Variants in ANKRD30A observed in about 807,000 individuals in gnomAD.
ANKRD30A encodes the protein ankyrin repeat domain-containing protein 30A.
In ANKRD30A, 170 loss-of-function variants were observed where a neutral mutation model predicts 166.3. The observed-to-expected ratio is 1.02, with a 90% CI of 0.90 to 1.16. The LOEUF (loss-of-function observed/expected upper bound fraction) is 1.16, where lower values mean the gene tolerates loss of function less well. Ranked by LOEUF, ANKRD30A falls within the 50% of genes most tolerant of loss-of-function variation. ANKRD30A has a pLI of 0.00. For synonymous variants in ANKRD30A, 564 were observed against 508.9 expected, an observed-to-expected ratio of 1.11 and a Z score of -1.46; for missense variants, 1,630 against 1,518.0, an observed-to-expected ratio of 1.07 and a Z score of -1.23.
chr10:37,178,334 CAT>C (rs1334161220), intron 24 of ANKRD30A: 1 of 228,890 alleles, frequency 4.4e-6, no homozygotes, highest in Non-Finnish European at 7.3e-6. Context: ...CACGGCCACA[CAT>C]GTATATAAAT....
intron 21 of ANKRD30A, among the ~76,000 whole-genome samples, chr10:37,172,553 T>G (rs1449938662): frequency 6.8e-6 from 1 of 146,380 alleles, no homozygotes; most frequent in African/African-American, 2.5e-5. Context: ...CTTTTTTTTT[T>G]TTTTTTTTTT....
chr10:37,164,806 T>C (rs1347075238), intron 17 of ANKRD30A, among the ~76,000 whole-genome samples: 5 of 152,100 alleles, frequency 3.3e-5, no homozygotes, highest in South Asian at 2.1e-4. Flanking sequence ...GGGCATACTG[T>C]GTTTCACAGG....
chr10:37,129,955 G>C lies in ANKRD30A; in HGVS notation c.284G>C (p.Arg95Thr), dbSNP rs1359285863. The C allele has an allele frequency of 3.2e-6, 5 of 1,580,278 alleles. No homozygotes were observed. The highest frequency in any genetic ancestry group is 4.3e-6 in the Non-Finnish European group (5 of 1,161,160). Residue 95 changes from arginine to threonine, a missense_variant, in exon 2 of 36, where the codon AGA (arginine) becomes ACA (threonine). Physicochemically the swap from Arg to Thr is moderately conservative, Grantham distance 71. Transcript: ENST00000361713. ...GAAGTAGTAACATTTCTGGTAGACAGAAAGTGCCAGCTTGACGTCCTTGAT... is the reference window on the plus strand; with the variant it reads ...GAAGTAGTAACATTTCTGGTAGACACAAAGTGCCAGCTTGACGTCCTTGAT... ...HEEVVTFLVD[R>T]KCQLDVLDGE...
At chr10:37,247,755 G>A in the ANKRD30A span, among the ~76,000 whole-genome samples, 4,253 of 150,652 alleles carry the variant, frequency 0.028, 95 homozygotes, top group Middle Eastern at 0.048. Context: ...GGTGGCGGGC[G>A]CCTGTAGTCC....
At chr10:37,161,949 T>TA (rs1415715698) in intron 15 of ANKRD30A, among the ~76,000 whole-genome samples, 1 of 152,168 alleles carries the variant, frequency 6.6e-6, no homozygotes, top group Non-Finnish European at 1.5e-5. Flanking sequence ...CTTAACAATA[T>TA]AAAAAAGTTA....
At chr10:37,154,664 A>T (rs4414166) in intron 13 of ANKRD30A, among the ~76,000 whole-genome samples, 1 of 152,316 alleles carries the variant, frequency 6.6e-6, no homozygotes, top group South Asian at 2.1e-4. Flanking sequence ...ACAAGTCTAG[A>T]GATTATTTTT....
At chr10:37,148,514 C>T (rs1162541451) in intron 9 of ANKRD30A, among the ~76,000 whole-genome samples, 3 of 151,640 alleles carry the variant, frequency 2.0e-5, no homozygotes, top group South Asian at 2.1e-4. Context: ...AGGCAGGTAA[C>T]GGGACAAACA....
At chr10:37,198,521 A>C (rs983712075) in intron 29 of ANKRD30A, among the ~76,000 whole-genome samples, 27 of 152,150 alleles carry the variant, frequency 1.8e-4, no homozygotes, top group African/African-American at 6.3e-4. Flanking sequence ...TTAAAAGTAA[A>C]ATATTTAAGA....
At chr10:37,198,458 T>G (rs1032410625) in intron 29 of ANKRD30A, among the ~76,000 whole-genome samples, 2 of 152,126 alleles carry the variant, frequency 1.3e-5, no homozygotes, top group African/African-American at 4.8e-5. Flanking sequence ...ACATGCAGAT[T>G]TCTGCATCTT....
downstream of ANKRD30A, among the ~76,000 whole-genome samples, chr10:37,234,162 G>A (rs944305588): frequency 5.3e-5 from 8 of 152,108 alleles, no homozygotes; most frequent in African/African-American, 1.9e-4. Context: ...AACACATGAA[G>A]TTTAGCCTTA....
At chr10:37,236,055 A>G (rs968414059), downstream of ANKRD30A, among the ~76,000 whole-genome samples, 1 of 152,120 alleles carries the variant, frequency 6.6e-6, no homozygotes, top group Admixed American at 6.5e-5. Flanking sequence ...GGCGTGAGCC[A>G]CCGCGCCGGG....
At chr10:37,219,988 A>AGTATATATAT (rs1842812348) in intron 34 of ANKRD30A, 91 bp downstream of exon 34, 1 of 187,518 alleles carries the variant, frequency 5.3e-6, no homozygotes, top group Non-Finnish European at 1.0e-5. Context: ...AATCTAGTTG[A>AGTATATATAT]ATATATATAT....
At chr10:37,142,424 T>C (rs1252986989) in intron 7 of ANKRD30A, 134 bp downstream of exon 7, 3 of 780,626 alleles carry the variant, frequency 3.8e-6, no homozygotes, top group East Asian at 5.4e-5. Context: ...TTTTTAATAG[T>C]ATAGGAATAA....
In ANKRD30A at chr10:37,133,966, T is replaced by A. The variant is rs760112390; in HGVS notation, c.668T>A (p.Met223Lys). 6.2e-7 allele frequency: 1 copy of A among 1,614,146 alleles called. No individual in the cohort carries two copies. Among genetic ancestry groups the A allele is most frequent in the South Asian group, 1.1e-5 (1 of 91,084 alleles). ...VCHGSSEIVG[M>K]LLQQNVDVFA... is the part of the protein sequence containing the mutation. ...CATGGATCATCAGAGATAGTTGGCA[T>A]GCTTCTTCAGCAAAATGTTGACGTC... is the stretch of plus-strand genomic sequence containing the variant. Residue 223 changes from methionine to lysine, a missense_variant, in exon 5 of 36, where the codon ATG becomes AAG. Met to Lys is a moderately conservative substitution (Grantham distance 95). Around this residue, in one of 4 missense-constraint regions of ANKRD30A, gnomAD observed 904 missense variants for 818.5 expected, o/e 1.10. Transcript: ENST00000361713.
At chr10:37,205,778 G>A (rs933226659) in intron 31 of ANKRD30A, among the ~76,000 whole-genome samples, 7 of 152,188 alleles carry the variant, frequency 4.6e-5, no homozygotes, top group Admixed American at 2.0e-4. Context: ...TAAGAAATGA[G>A]CTATAAAACT....
At position 37,166,820 on chromosome 10, in the gene ANKRD30A, T is replaced by C. The variant is rs181426087; in HGVS notation, c.2155+125T>C. 653 of 1,405,206 alleles carry C rather than the reference T, an allele frequency of 4.6e-4. 4 individuals are homozygous for C. The African/African-American group carries it at 8.2e-3, about 18-fold the overall frequency. The allele number at this position is 1,405,206 out of a possible 1,614,324, so 87.0% of individuals were successfully genotyped here. Reference sequence around the variant, plus strand: ...TGCAAACCATGGAAAAAAAGAGAAGTGCAATGGTCATAAGTTATGTGTCTC... The same window carrying C: ...TGCAAACCATGGAAAAAAAGAGAAGCGCAATGGTCATAAGTTATGTGTCTC... On this transcript the variant is annotated intron_variant, in intron 19 of 35. Coordinates refer to ENST00000361713, the MANE Select transcript of ANKRD30A (RefSeq NM_052997.3).
chr10:37,132,092 G>A (rs761833859), intron 3 of ANKRD30A, 148 bp from the exon 4 acceptor site: 17 of 479,022 alleles, frequency 3.5e-5, no homozygotes, highest in Non-Finnish European at 2.6e-5. Context: ...CAGTGCATGG[G>A]AAAGCACAGA....
At chr10:37,248,600 AG>A in the ANKRD30A span, among the ~76,000 whole-genome samples, 1 of 151,936 alleles carries the variant, frequency 6.6e-6, no homozygotes, top group African/African-American at 2.4e-5. Flanking sequence ...TCCTGATGAG[AG>A]CTTGCCTAAT....
chr10:37,218,902 G>T, intron 33 of ANKRD30A, 78 bp from the exon 34 acceptor site: 2 of 946,332 alleles, frequency 2.1e-6, no homozygotes, highest in South Asian at 3.5e-5. Flanking sequence ...AAATGTACAA[G>T]TTATTCTTTA....
Sources: allele counts gnomAD v4.1 joint callset (sites outside exome capture counted in the v4.1 genomes callset), GRCh38; gene constraint gnomAD v4.1.1; regional missense constraint gnomAD v4.1.1; transcripts MANE v1.5; gene names NCBI Gene and HGNC (gene_info 2026-07-23, HGNC 2026-07-21).